BMPER: variants seen among roughly 807,000 people sequenced by gnomAD.
BMPER encodes BMP binding endothelial regulator.
A neutral mutation model predicts 87.3 loss-of-function variants in BMPER; 45 were observed. The ratio of observed to expected loss-of-function variants is 0.52; its 90% CI spans 0.41 to 0.66. BMPER has a LOEUF of 0.66. Ranked by LOEUF, BMPER falls within the 30% of genes least tolerant of loss-of-function variation. The pLI is 0.00. For synonymous variants in BMPER, 326 were observed against 316.2 expected, an observed-to-expected ratio of 1.03 and a Z score of -0.33; for missense variants, 784 against 867.5, an observed-to-expected ratio of 0.90 and a Z score of 1.21.
In BMPER at chr7:34,084,001, T is replaced by TA. The variant is rs57825100; in HGVS notation, c.1409-1735dup. Among the ~76,000 whole-genome samples, 889 of 122,736 alleles carry TA rather than the reference T, an allele frequency of 7.2e-3. 2 individuals carry two copies. The highest frequency in any genetic ancestry group is 0.026 in the Middle Eastern group (6 of 234). The allele number at this position is 122,736 out of a possible 152,430, so 80.5% of individuals were successfully genotyped here. On this transcript the variant is annotated intron_variant, in intron 12 of 14. Transcript: ENST00000649409. ...TGTCAGGATCACAAGAGGAAAGATT[T>TA]AAAAAAAAAAAAAAAAAAAAGGCCG...
At chr7:33,981,391 A>C (rs1785854728) in intron 6 of BMPER, among the ~76,000 whole-genome samples, 1 of 151,912 alleles carries the variant, frequency 6.6e-6, no homozygotes, top group Non-Finnish European at 1.5e-5. Flanking sequence ...GTCTCCGCCC[A>C]CTCATCCAGC....
intron 6 of BMPER, among the ~76,000 whole-genome samples, chr7:34,040,964 T>A (rs553767266): frequency 2.0e-5 from 3 of 152,324 alleles, no homozygotes; most frequent in African/African-American, 7.2e-5. Context: ...CTAAGCCATT[T>A]TGATAAAAAG....
In BMPER at chr7:33,952,913, A is replaced by G. The variant is rs572143480; in HGVS notation, c.320-13566A>G. Among the ~76,000 whole-genome samples the G allele has an allele frequency of 1.7e-3, 258 of 152,332 alleles. 1 individual carries two copies. Among genetic ancestry groups the G allele is most frequent in the African/African-American group, 6.0e-3 (248 of 41,582 alleles). On this transcript the variant is annotated intron_variant, in intron 3 of 14. Coordinates refer to ENST00000649409, the MANE Select transcript of BMPER (RefSeq NM_001365308.1). ...ATGATAATGAAGGTGAACAATGTAC[A>G]TTGGTATGTTCATGAACTTGAGTGC...
intron 11 of BMPER, among the ~76,000 whole-genome samples, chr7:34,071,940 T>G (rs977286282): frequency 6.6e-6 from 1 of 152,164 alleles, no homozygotes; most frequent in Non-Finnish European, 1.5e-5. Context: ...TGTCTACACA[T>G]TTCTTCAGAT....
chr7:34,131,337 G>A (rs1790583276), intron 13 of BMPER, among the ~76,000 whole-genome samples: 1 of 152,156 alleles, frequency 6.6e-6, no homozygotes. Context: ...CCTTTCTTGT[G>A]CAGTGATGGG....
chr7:33,937,275 C>T lies in BMPER; in HGVS notation c.220-14C>T. On this transcript the variant is annotated splice_polypyrimidine_tract_variant and intron_variant, in intron 2 of 14. Transcript: ENST00000649409. Reference sequence around the variant, plus strand: ...GATGTCTATTTCAAATCTCTCGTGTCTCTTTTTGTCTAGAACAAGGAAGTG... The same window carrying T: ...GATGTCTATTTCAAATCTCTCGTGTTTCTTTTTGTCTAGAACAAGGAAGTG... 6.2e-7 allele frequency: 1 copy of T among 1,611,192 alleles called. No individual in the cohort carries two copies. Among genetic ancestry groups the T allele is most frequent in the African/African-American group, 1.3e-5 (1 of 74,984 alleles).
Position 34,085,823 on chromosome 7 carries a change from G to A in BMPER, c.1476G>A (p.Lys492=). The change falls in exon 13 of 15, where the codon AAG becomes AAA. Residue 492 remains lysine, a synonymous_variant. Coordinates refer to ENST00000649409, the MANE Select transcript of BMPER (RefSeq NM_001365308.1). ...EVMAAPHLKG[K]LCGLCGNYNG... is the part of the protein sequence containing the mutation. ...TGGCTGCGCCGCATCTCAAGGGCAAGCTCTGTGGTCTTTGTGGCAACTACA... is the reference window on the plus strand; with the variant it reads ...TGGCTGCGCCGCATCTCAAGGGCAAACTCTGTGGTCTTTGTGGCAACTACA... 1 of 1,614,196 alleles carries A rather than the reference G, an allele frequency of 6.2e-7. No homozygotes were observed. Among genetic ancestry groups the A allele is most frequent in the African/African-American group, 1.3e-5 (1 of 75,058 alleles).
At chr7:33,972,039 A>G (rs912902136) in intron 5 of BMPER, among the ~76,000 whole-genome samples, 1 of 151,994 alleles carries the variant, frequency 6.6e-6, no homozygotes, top group African/African-American at 2.4e-5. Flanking sequence ...AGTAGCTGGG[A>G]CTACAGGCAC....
At chr7:34,137,629 C>T (rs1790753817) in intron 13 of BMPER, among the ~76,000 whole-genome samples, 2 of 152,132 alleles carry the variant, frequency 1.3e-5, no homozygotes, top group South Asian at 4.1e-4. Context: ...TTTTTGGGGC[C>T]ACTTGGCAAG....
intron 2 of BMPER, among the ~76,000 whole-genome samples, chr7:33,924,988 T>TC (rs895093365): frequency 2.1e-4 from 32 of 152,176 alleles, no homozygotes; most frequent in African/African-American, 7.5e-4. Context: ...GATCACTGTC[T>TC]CCAACAGCCT....
At chr7:33,914,583 G>T (rs79588395) in intron 2 of BMPER, among the ~76,000 whole-genome samples, 1,529 of 152,252 alleles carry the variant, frequency 0.01, 17 homozygotes, top group South Asian at 0.031. Flanking sequence ...TTAAAAGATC[G>T]TGAGTTCAGT....
chr7:34,144,046 T>C (rs1790951736), intron 14 of BMPER, among the ~76,000 whole-genome samples: 1 of 151,852 alleles, frequency 6.6e-6, no homozygotes, highest in African/African-American at 2.4e-5. Context: ...ACAGTAAGTA[T>C]GAGGAAGGAA....
At chr7:33,970,152 C>A (rs1785504446) in intron 4 of BMPER, among the ~76,000 whole-genome samples, 177 bp from the exon 5 acceptor site, 1 of 152,216 alleles carries the variant, frequency 6.6e-6, no homozygotes, top group Non-Finnish European at 1.5e-5. Flanking sequence ...AGTTCTACAG[C>A]ATTGATTGGG....
intron 6 of BMPER, among the ~76,000 whole-genome samples, chr7:34,030,196 C>T (rs1206387922): frequency 6.6e-6 from 1 of 152,000 alleles, no homozygotes. Context: ...CGATCGATTA[C>T]TCAATATATA....
At chr7:34,099,301 G>C (rs1789614850) in intron 13 of BMPER, among the ~76,000 whole-genome samples, 1 of 152,164 alleles carries the variant, frequency 6.6e-6, no homozygotes, top group Non-Finnish European at 1.5e-5. Flanking sequence ...CCATAATCTG[G>C]TAATAGCTCT....
At chr7:34,001,561 T>C (rs1786580071) in intron 6 of BMPER, among the ~76,000 whole-genome samples, 2 of 135,104 alleles carry the variant, frequency 1.5e-5, no homozygotes, top group South Asian at 4.5e-4. Context: ...TGAATCTGCT[T>C]TCTTTTTTTT....
intron 2 of BMPER, among the ~76,000 whole-genome samples, chr7:33,911,083 GC>G (rs1380284280): frequency 6.6e-6 from 1 of 152,212 alleles, no homozygotes; most frequent in Non-Finnish European, 1.5e-5. Context: ...TACATAGATT[GC>G]CTTGCTTTTT....
At chr7:34,107,887 G>A (rs1583447461) in intron 13 of BMPER, among the ~76,000 whole-genome samples, 1 of 152,242 alleles carries the variant, frequency 6.6e-6, no homozygotes, top group East Asian at 1.9e-4. Context: ...TAAAAGTATG[G>A]TTTAAATGTT....
Position 34,154,220 on chromosome 7 carries a change from A to G in BMPER, c.*947A>G, listed in dbSNP as rs774216562. On this transcript the variant is annotated 3_prime_UTR_variant, in exon 15 of 15. Coordinates refer to ENST00000649409, the MANE Select transcript of BMPER (RefSeq NM_001365308.1). ...AAAATGAAAGGCTTTAGTTATTTCTAGAGGAGTCCCATCCAACACTATTTG... is the reference window on the plus strand; with the variant it reads ...AAAATGAAAGGCTTTAGTTATTTCTGGAGGAGTCCCATCCAACACTATTTG... The G allele has an allele frequency of 6.6e-6, 1 of 152,562 alleles. No individual in the cohort carries two copies. The highest frequency in any genetic ancestry group is 1.5e-5 in the Non-Finnish European group (1 of 68,034). The allele number at this position is 152,562 out of a possible 1,614,324, so 9.5% of individuals were successfully genotyped here. A position where few individuals can be genotyped will look rare whatever the true frequency, so the allele number is the denominator to read the frequency against.
Sources: allele counts gnomAD v4.1 joint callset (sites outside exome capture counted in the v4.1 genomes callset), GRCh38; gene constraint gnomAD v4.1.1; transcripts MANE v1.5; gene names NCBI Gene and HGNC (gene_info 2026-07-23, HGNC 2026-07-21).